Variants in USP29 observed in about 807,000 individuals in gnomAD.
The protein encoded by USP29 is ubiquitin specific peptidase 29, also known as ubiquitin carboxyl-terminal hydrolase 29.
For synonymous variants in USP29, 386 were observed against 387.4 expected (o/e 1.00, Z 0.04); for missense variants, 1,102 against 1,069.0 (o/e 1.03, Z -0.43).
chr19:57,126,306 C>A (rs989045308), intron 3 of USP29, among the ~76,000 whole-genome samples: 2 of 152,096 alleles, frequency 1.3e-5, no homozygotes, highest in African/African-American at 2.4e-5. Flanking sequence ...GTTGGCCTGT[C>A]GTTCTAGGTT....
At position 57,128,960 on chromosome 19, in the gene USP29, G is replaced by C. The variant is rs1395197344; in HGVS notation, c.285G>C (p.Leu95Phe). The change falls in exon 4 of 4, where the codon TTG becomes TTC. Residue 95 changes from leucine (L) to phenylalanine (F), a missense_variant. By Grantham distance (22) the Leu-to-Phe change is conservative (BLOSUM62 0). Transcript: ENST00000254181. The part of the protein sequence containing the change: ...DKLSYRDAKQ[L>F]NMFLDIIHQN... ...TATCCTACAGAGATGCTAAACAGTTGAATATGTTCCTGGACATAATCCACC... is the reference window on the plus strand; with the variant it reads ...TATCCTACAGAGATGCTAAACAGTTCAATATGTTCCTGGACATAATCCACC... 4 of 1,614,072 alleles carry C rather than the reference G, an allele frequency of 2.5e-6. No homozygotes were observed. The highest frequency in any genetic ancestry group is 3.4e-6 in the Non-Finnish European group (4 of 1,180,018).
At chr19:57,122,008 A>T (rs920186422) in intron 1 of USP29, among the ~76,000 whole-genome samples, 7 of 151,978 alleles carry the variant, frequency 4.6e-5, no homozygotes, top group Non-Finnish European at 1.5e-5. Context: ...GGAGAGAGAA[A>T]GCAGACAGAT....
rs2086862050 is a variant in USP29, at chr19:57,131,625, T to G, written c.*181T>G. Reference sequence around the variant, plus strand: ...GCTTCAGACACCTAGATCCCAGAACTCAGGCGCATATGCATATTTTCCCTG... The same window carrying G: ...GCTTCAGACACCTAGATCCCAGAACGCAGGCGCATATGCATATTTTCCCTG... On this transcript the variant is annotated 3_prime_UTR_variant, in exon 4 of 4. Coordinates refer to ENST00000254181, the MANE Select transcript of USP29 (RefSeq NM_020903.3). The G allele has an allele frequency of 1.4e-5, 13 of 953,422 alleles. No homozygotes were observed. The South Asian group carries it at 2.6e-4, about 19-fold the overall frequency. The allele number at this position is 953,422 out of a possible 1,614,324, so 59.1% of individuals were successfully genotyped here.
intron 2 of USP29, among the ~76,000 whole-genome samples, chr19:57,123,606 T>C (rs1371776794): frequency 1.3e-5 from 2 of 152,108 alleles, no homozygotes; most frequent in African/African-American, 4.8e-5. Context: ...GTGATCTCGA[T>C]GCATCCTCTC....
chr19:57,127,947 CA>C (rs2086832299), intron 3 of USP29, among the ~76,000 whole-genome samples: 1 of 152,202 alleles, frequency 6.6e-6, no homozygotes, highest in Admixed American at 6.5e-5. Flanking sequence ...CTGCAGATTG[CA>C]AAAACTGTGG....
chr19:57,127,001 C>T (rs2086827451), intron 3 of USP29, among the ~76,000 whole-genome samples: 1 of 152,140 alleles, frequency 6.6e-6, no homozygotes, highest in Admixed American at 6.5e-5. Flanking sequence ...TTTCTTCTAG[C>T]AGTCAGGCCC....
rs748797972 is a variant in USP29, at chr19:57,129,535, TC to T, written c.864del (p.Asn289IlefsTer8). 5.6e-6 allele frequency: 9 copies of T among 1,614,182 alleles called. No homozygotes were observed. The African/African-American group carries it at 8.0e-5, about 14-fold the overall frequency. Reference protein sequence around the residue: ...DSHSQQLQQGFPNLGNTCYMN... With the variant: ...DSHSQQLQQGXPNLGNTCYMN... ...CATTCACAGCAACTGCAGCAGGGGT[TC>T]CCCAATTTGGGAAACACCTGTTACA... On this transcript the variant is annotated frameshift_variant, in exon 4 of 4. Transcript: ENST00000254181. LOFTEE classifies it low-confidence loss of function (END_TRUNC).
Position 57,130,690 on chromosome 19 carries a change from G to T in USP29, c.2015G>T (p.Ser672Ile). ...MYEDGGKLISSPDTRLVEVHL... is the reference protein window; with the variant it reads ...MYEDGGKLISIPDTRLVEVHL... Reference sequence around the variant, plus strand: ...GAAGATGGAGGGAAGCTGATCAGCAGCCCAGACACAAGGCTTGTCGAGGTT... The same window carrying T: ...GAAGATGGAGGGAAGCTGATCAGCATCCCAGACACAAGGCTTGTCGAGGTT... The change falls in exon 4 of 4, where the codon AGC becomes ATC. Residue 672 changes from serine to isoleucine, a missense_variant. Physicochemically the swap from Ser to Ile is moderately radical, Grantham distance 142 (BLOSUM62 -2). Transcript: ENST00000254181. The T allele has an allele frequency of 6.2e-7, 1 of 1,614,170 alleles. No homozygotes were observed.
At chr19:57,122,076 T>C (rs1157540740) in intron 1 of USP29, among the ~76,000 whole-genome samples, 4 of 152,228 alleles carry the variant, frequency 2.6e-5, no homozygotes, top group Non-Finnish European at 5.9e-5. Context: ...TTATTTCTAC[T>C]AATCTTGCAA....
In USP29 at chr19:57,129,197, A is replaced by G; in HGVS notation, c.522A>G (p.Ser174=). The change falls in exon 4 of 4, where the codon TCA becomes TCG. Residue 174 remains serine, a synonymous_variant. Transcript: ENST00000254181. ...NQGGKGQNTL[S]SDVQTNEDIL... is the part of the protein sequence containing the mutation. ...GTGGGAAGGGGCAAAACACACTATC[A>G]TCTGATGTACAGACAAATGAGGACA... 6.2e-7 allele frequency: 1 copy of G among 1,613,368 alleles called. No homozygotes were observed. The highest frequency in any genetic ancestry group is 8.5e-7 in the Non-Finnish European group (1 of 1,179,632).
rs2086786809 is a variant in USP29, at chr19:57,120,162, G to C, written c.-335G>C. On this transcript the variant is annotated 5_prime_UTR_variant, in exon 1 of 4. Transcript: ENST00000254181. ...GGCCAGGCTCATGCCTGTAATCCCA[G>C]CACTTTGGGAGGCCGAGGCGGGAGG... The C allele has an allele frequency of 6.5e-6, 1 of 152,742 alleles. No homozygotes were observed. Among genetic ancestry groups the C allele is most frequent in the Non-Finnish European group, 1.5e-5 (1 of 68,526 alleles). 9.5% of individuals were successfully genotyped at this position (152,742 alleles called of 1,614,324 possible).
At chr19:57,123,931 T>C (rs2086810173) in intron 2 of USP29, 108 bp from the exon 3 acceptor site, 1 of 152,210 alleles carries the variant, frequency 6.6e-6, no homozygotes, top group South Asian at 2.1e-4. Flanking sequence ...GTTTTCCCAG[T>C]TTCTAAGATA....
chr19:57,123,030 T>G (rs375145578), intron 2 of USP29, among the ~76,000 whole-genome samples: 4 of 152,314 alleles, frequency 2.6e-5, no homozygotes, highest in African/African-American at 9.6e-5. Flanking sequence ...TCCCACATGG[T>G]TTGCTGGGTT....
At chr19:57,120,804 A>AAAAAAAAAAAAAAAAAAAG (rs2086791143) in intron 1 of USP29, among the ~76,000 whole-genome samples, 1 of 148,380 alleles carries the variant, frequency 6.7e-6, no homozygotes, top group Non-Finnish European at 1.5e-5. Flanking sequence ...AAAAAAAAAA[A>AAAAAAAAAAAAAAAAAAAG]AAAAAAAAAC....
Position 57,130,204 on chromosome 19 carries a change from A to G in USP29, c.1529A>G (p.His510Arg), listed in dbSNP as rs897010373. ...AGGCTCTCCAGGGTCCTTATCATTC[A>G]TCTGAAACGCTATAGCTTCAACAAT... is the stretch of plus-strand genomic sequence containing the variant. ...FSRLSRVLIIHLKRYSFNNAW... is the reference protein window; with the variant it reads ...FSRLSRVLIIRLKRYSFNNAW... The change falls in exon 4 of 4, where the codon CAT becomes CGT. Residue 510 changes from histidine to arginine, a missense_variant. Transcript: ENST00000254181. 2.5e-6 allele frequency: 4 copies of G among 1,613,988 alleles called. No individual in the cohort carries two copies. Among genetic ancestry groups the G allele is most frequent in the Admixed American group, 1.7e-5 (1 of 59,986 alleles).
rs745918063 is a variant in USP29 at position 57,129,479 on chromosome 19, A to G, written c.804A>G (p.Arg268=). 8.1e-6 allele frequency: 13 copies of G among 1,614,222 alleles called. No individual in the cohort carries two copies. The highest frequency in any genetic ancestry group is 1.1e-5 in the Non-Finnish European group (13 of 1,180,038). ...LEPEHSQGDP[R]CNKAQVPLDS... The stretch of plus-strand genomic sequence containing the variant: ...CAGAGCACAGCCAGGGTGACCCAAG[A>G]TGCAACAAAGCCCAGGTGCCTCTTG... The change falls in exon 4 of 4, where the codon AGA becomes AGG. Residue 268 remains arginine, a synonymous_variant. Coordinates refer to ENST00000254181, the MANE Select transcript of USP29 (RefSeq NM_020903.3).
rs770983436 is a variant in USP29, at chr19:57,129,239, C to A, written c.564C>A (p.Asn188Lys). 3 of 1,612,984 alleles carry A rather than the reference C, an allele frequency of 1.9e-6. No individual in the cohort carries two copies. Among genetic ancestry groups the A allele is most frequent in the Non-Finnish European group, 2.5e-6 (3 of 1,179,772 alleles). The change falls in exon 4 of 4, where the codon AAC becomes AAA. Residue 188 changes from asparagine to lysine, a missense_variant. Coordinates refer to ENST00000254181, the MANE Select transcript of USP29 (RefSeq NM_020903.3). ...QTNEDILKED[N>K]PVPNKKYKTD... ...ATGAGGACATTCTGAAGGAAGATAA[C>A]CCTGTACCAAACAAGAAATATAAGA... is the stretch of plus-strand genomic sequence containing the variant.
intron 3 of USP29, among the ~76,000 whole-genome samples, chr19:57,125,146 G>A (rs1241940303): frequency 6.6e-6 from 1 of 152,262 alleles, no homozygotes; most frequent in South Asian, 2.1e-4. Context: ...AAAGCAGTAA[G>A]TGGTGAAGCC....
Position 57,130,302 on chromosome 19 carries a change from G to A in USP29, c.1627G>A (p.Glu543Lys), listed in dbSNP as rs865792926. 1 of 1,614,048 alleles carries A rather than the reference G, an allele frequency of 6.2e-7. No individual in the cohort carries two copies. The highest frequency in any genetic ancestry group is 8.5e-7 in the Non-Finnish European group (1 of 1,180,024). Residue 543 changes from glutamate to lysine, a missense_variant, in exon 4 of 4, where the codon GAA becomes AAA. Glu to Lys is a moderately conservative substitution (Grantham distance 56). Coordinates refer to ENST00000254181, the MANE Select transcript of USP29 (RefSeq NM_020903.3). ...TTTAAGTTTATCTTCTTATTGCAATGAAAGCACCAAACCACCTCTTCCCTT... is the reference window on the plus strand; with the variant it reads ...TTTAAGTTTATCTTCTTATTGCAATAAAAGCACCAAACCACCTCTTCCCTT... ...KSLSLSSYCN[E>K]STKPPLPLSS...
Sources: allele counts gnomAD v4.1 joint callset (sites outside exome capture counted in the v4.1 genomes callset), GRCh38; gene constraint gnomAD v4.1.1; transcripts MANE v1.5; gene names NCBI Gene and HGNC (gene_info 2026-07-23, HGNC 2026-07-21).